The following RPS6KA2 variants were observed in gnomAD, a reference collection of about 807,000 sequenced individuals.
The protein encoded by RPS6KA2 is ribosomal protein S6 kinase A2.
A neutral mutation model predicts 91.8 loss-of-function variants in RPS6KA2; 42 were observed. That is an observed-to-expected ratio of 0.46 (90% CI 0.36 to 0.59). The LOEUF (loss-of-function observed/expected upper bound fraction) is 0.59. Ranked by LOEUF, RPS6KA2 falls within the 20% of genes least tolerant of loss-of-function variation. The pLI is 0.00. For missense variants in RPS6KA2, 798 were observed against 978.5 expected, an observed-to-expected ratio of 0.82 and a Z score of 2.46; for synonymous variants, 414 against 393.6, an observed-to-expected ratio of 1.05 and a Z score of -0.61.
At chr6:166,848,136 G>A (rs1301154185) in intron 2 of RPS6KA2, among the ~76,000 whole-genome samples, 1 of 152,060 alleles carries the variant, frequency 6.6e-6, no homozygotes, top group Non-Finnish European at 1.5e-5. Flanking sequence ...ATATACAAAT[G>A]GCCAACAAAC....
In RPS6KA2 at chr6:166,666,646, G is replaced by T. The variant is rs1341303744; in HGVS notation, c.124-127862C>A. Among the ~76,000 whole-genome samples, 1 of 152,176 alleles carries T rather than the reference G, an allele frequency of 6.6e-6. No individual in the cohort carries two copies. The highest frequency in any genetic ancestry group is 1.5e-5 in the Non-Finnish European group (1 of 68,024). Reference sequence around the variant, plus strand: ...TGTTGGCGAGGGTGCTGAAAAATTAGAATTGTTGTTTACTGTTGGTGGAAA... The same window carrying T: ...TGTTGGCGAGGGTGCTGAAAAATTATAATTGTTGTTTACTGTTGGTGGAAA... On this transcript the variant is annotated intron_variant, in intron 2 of 21. Coordinates refer to the RPS6KA2 transcript ENST00000503859. This position sits in a 1 kb window ranked among gnomAD's most constrained non-coding sequence, Gnocchi z 4.0.
At chr6:166,643,796 C>T (rs1787523355) in intron 2 of RPS6KA2, among the ~76,000 whole-genome samples, 2 of 152,204 alleles carry the variant, frequency 1.3e-5, no homozygotes, top group South Asian at 4.1e-4. Flanking sequence ...TAGTCAGGTG[C>T]CCTGGCAGAT....
chr6:166,515,422 C>A (rs1782613871), intron 3 of RPS6KA2, among the ~76,000 whole-genome samples: 2 of 152,200 alleles, frequency 1.3e-5, no homozygotes, highest in African/African-American at 4.8e-5. Context: ...CTCTGATATA[C>A]TTTCTTATTA....
chr6:166,561,405 T>C (rs1435569186), intron 1 of RPS6KA2, among the ~76,000 whole-genome samples: 2 of 151,192 alleles, frequency 1.3e-5, no homozygotes, highest in Non-Finnish European at 3.0e-5. Flanking sequence ...GGCCTGCTCG[T>C]TCCCCGCCAA....
intron 2 of RPS6KA2, among the ~76,000 whole-genome samples, chr6:166,840,711 G>A (rs1195804237): frequency 2.0e-5 from 3 of 152,162 alleles, no homozygotes; most frequent in Non-Finnish European, 4.4e-5. Flanking sequence ...GGTGGCTCAC[G>A]CCTGTAATCC....
At chr6:166,696,261 G>C (rs757482833) in intron 2 of RPS6KA2, among the ~76,000 whole-genome samples, 2 of 152,124 alleles carry the variant, frequency 1.3e-5, no homozygotes, top group Non-Finnish European at 2.9e-5. Context: ...TAGTCTATCA[G>C]CTGGGTGCGG....
At chr6:166,536,122 T>C (rs1445914430) in intron 2 of RPS6KA2, among the ~76,000 whole-genome samples, 3 of 152,220 alleles carry the variant, frequency 2.0e-5, no homozygotes, top group Admixed American at 2.0e-4. Flanking sequence ...AATGTCATCA[T>C]TAAATAAGAG....
At chr6:166,812,085 T>C (rs1313831580) in intron 2 of RPS6KA2, among the ~76,000 whole-genome samples, 1 of 152,192 alleles carries the variant, frequency 6.6e-6, no homozygotes, top group Non-Finnish European at 1.5e-5. Context: ...TCGGTTGTGG[T>C]GGCTCAAGCC....
At chr6:166,461,585 G>A (rs1780303033) in intron 11 of RPS6KA2, among the ~76,000 whole-genome samples, 1 of 144,786 alleles carries the variant, frequency 6.9e-6, no homozygotes, top group Non-Finnish European at 1.5e-5. Flanking sequence ...GGAGAAATGG[G>A]GGAGGGGGAG....
intron 16 of RPS6KA2, among the ~76,000 whole-genome samples, chr6:166,427,983 C>T (rs540245223): frequency 6.8e-6 from 1 of 146,444 alleles, no homozygotes; most frequent in Admixed American, 6.6e-5. Flanking sequence ...AAAAGAGCCG[C>T]CCGCATCGCC....
chr6:166,521,029 T>A (rs1409096421), intron 3 of RPS6KA2, among the ~76,000 whole-genome samples: 1 of 152,250 alleles, frequency 6.6e-6, no homozygotes, highest in Non-Finnish European at 1.5e-5. Flanking sequence ...CCAGCACTGC[T>A]GTCCCTGGCT....
chr6:166,775,773 G>C (rs1361079078), intron 2 of RPS6KA2, among the ~76,000 whole-genome samples: 1 of 152,260 alleles, frequency 6.6e-6, no homozygotes, highest in Non-Finnish European at 1.5e-5. Context: ...ACAGACACAT[G>C]ACGATGCTGT....
intron 2 of RPS6KA2, among the ~76,000 whole-genome samples, chr6:166,811,725 A>G (rs1779643946): frequency 6.6e-6 from 1 of 152,242 alleles, no homozygotes; most frequent in African/African-American, 2.4e-5. Context: ...AATAAGTTCA[A>G]AACAGTATTT....
chr6:166,783,827 CACACGTGCACACCTATCTATACCACATAT>C, intron 2 of RPS6KA2, among the ~76,000 whole-genome samples: 1 of 75,040 alleles, frequency 1.3e-5, no homozygotes, highest in African/African-American at 4.0e-5. Flanking sequence ...ACCACATATG[CACACGTGCACACCTATCTATACCACATAT>C]GCACACGTGC....
At chr6:166,696,884 T>G (rs1281327604) in intron 2 of RPS6KA2, among the ~76,000 whole-genome samples, 2 of 152,192 alleles carry the variant, frequency 1.3e-5, no homozygotes, top group Middle Eastern at 3.2e-3. Flanking sequence ...GCCTTCCAGC[T>G]CTCAAACTAT....
intron 1 of RPS6KA2, among the ~76,000 whole-genome samples, chr6:166,545,400 G>A (rs779697186): frequency 1.3e-5 from 2 of 152,108 alleles, no homozygotes; most frequent in Non-Finnish European, 2.9e-5. Flanking sequence ...CTGGCTGCTC[G>A]GGCTCCTTTC....
intron 2 of RPS6KA2, among the ~76,000 whole-genome samples, chr6:166,745,391 A>G (rs887632634): frequency 1.3e-4 from 20 of 152,046 alleles, no homozygotes; most frequent in Non-Finnish European, 2.5e-4. Context: ...ACCTCAGGTG[A>G]TCCACCTGCC....
intron 1 of RPS6KA2, among the ~76,000 whole-genome samples, chr6:166,620,083 T>A (rs1786570312): frequency 6.6e-6 from 1 of 152,220 alleles, no homozygotes; most frequent in Non-Finnish European, 1.5e-5. Flanking sequence ...GTGCAGAGAC[T>A]GCTCTCCACA....
intron 6 of RPS6KA2, among the ~76,000 whole-genome samples, chr6:166,503,003 CTGAAA>C (rs1420734672): frequency 6.6e-6 from 1 of 152,178 alleles, no homozygotes; most frequent in Non-Finnish European, 1.5e-5. Flanking sequence ...GGCCACAAGT[CTGAAA>C]TGAAACAAAA....
Sources: gnomAD v4.1 joint callset for allele counts (sites outside exome capture counted in the v4.1 genomes callset) on GRCh38, gnomAD v4.1.1 for gene constraint, Gnocchi (gnomAD v3.1) non-coding constraint, MANE v1.5 for transcripts, NCBI Gene and HGNC (gene_info 2026-07-23, HGNC 2026-07-21) for gene names.